Variants in RIPOR3 observed in about 807,000 individuals in gnomAD.
RIPOR3 encodes the protein RIPOR family member 3.
A neutral mutation model predicts 114.3 loss-of-function variants in RIPOR3; 95 were observed. The ratio of observed to expected loss-of-function variants is 0.83; its 90% CI spans 0.70 to 0.99. The LOEUF (loss-of-function observed/expected upper bound fraction) is 0.99. Ranked by LOEUF, RIPOR3 falls within the 50% of genes least tolerant of loss-of-function variation. The pLI, the probability that RIPOR3 is intolerant of heterozygous loss-of-function variation, is 0.00. For synonymous variants in RIPOR3, 575 were observed against 543.8 expected (o/e 1.06, Z -0.80); for missense variants, 1,252 against 1,266.9 (o/e 0.99, Z 0.18).
chr20:50,677,017 A>C (rs547495445), intron 1 of RIPOR3, among the ~76,000 whole-genome samples: 1 of 152,332 alleles, frequency 6.6e-6, no homozygotes, highest in Admixed American at 6.5e-5. Flanking sequence ...CAGATAACTA[A>C]TAATATCAAC....
intron 1 of RIPOR3, among the ~76,000 whole-genome samples, chr20:50,667,156 C>A (rs940828636): frequency 3.3e-5 from 5 of 152,028 alleles, no homozygotes; most frequent in African/African-American, 1.2e-4. Context: ...AACCATCAGC[C>A]GGCAAAGTTA....
At chr20:50,670,133 G>C (rs985799513) in intron 1 of RIPOR3, among the ~76,000 whole-genome samples, 2 of 147,756 alleles carry the variant, frequency 1.4e-5, no homozygotes, top group Non-Finnish European at 3.0e-5. Flanking sequence ...CTCCAGCCTG[G>C]GCAACAAGAG....
Position 50,691,159 on chromosome 20 carries a change from C to T in RIPOR3, c.-31G>A, listed in dbSNP as rs1162814107. 1 of 1,289,448 alleles carries T rather than the reference C, an allele frequency of 7.8e-7. No individual in the cohort carries two copies. The allele number at this position is 1,289,448 out of a possible 1,614,324, so 79.9% of individuals were successfully genotyped here. A position where few individuals can be genotyped will look rare whatever the true frequency, so the allele number is the denominator to read the frequency against. ...AGGTCTGGACACTCGAGTGCAGTCC[C>T]GCCGCCCTCCTTGCAGCTGCCTCAC... On this transcript the variant is annotated 5_prime_UTR_variant, in exon 1 of 22. Coordinates refer to ENST00000327979, the MANE Select transcript of RIPOR3 (RefSeq NM_001290268.2).
At chr20:50,601,947 C>T (rs2083509288) in intron 13 of RIPOR3, 125 bp downstream of exon 13, 11 of 936,226 alleles carry the variant, frequency 1.2e-5, no homozygotes, top group Non-Finnish European at 1.7e-5. Flanking sequence ...GAGACACGGC[C>T]CACCCAGGTC....
intron 17 of RIPOR3, among the ~76,000 whole-genome samples, chr20:50,593,678 A>C (rs1014771209): frequency 6.6e-6 from 1 of 151,932 alleles, no homozygotes; most frequent in African/African-American, 2.4e-5. Context: ...TGTGACTCCA[A>C]CTCACCCTGA....
At chr20:50,654,744 T>C (rs980577128) in intron 1 of RIPOR3, among the ~76,000 whole-genome samples, 1 of 152,088 alleles carries the variant, frequency 6.6e-6, no homozygotes, top group Non-Finnish European at 1.5e-5. Flanking sequence ...TTTTTTTGTT[T>C]TTTTGTCTTT....
chr20:50,617,128 G>A (rs74274277), intron 3 of RIPOR3, among the ~76,000 whole-genome samples: 3,939 of 152,164 alleles, frequency 0.026, 69 homozygotes, highest in East Asian at 0.046. Flanking sequence ...GCAACAGAGC[G>A]AGACTTCATT....
rs774441526 is a variant in RIPOR3, at chr20:50,587,005, G to A, written c.*227C>T. On this transcript the variant is annotated 3_prime_UTR_variant, in exon 22 of 22. Transcript: ENST00000327979. ...AGAAGTTGAGCGCTCTGTTGAGGCC[G>A]TGCAGCCCCTGGAATGCTGTACCTT... 1.1e-5 allele frequency: 6 copies of A among 526,578 alleles called. No homozygotes were observed. The highest frequency in any genetic ancestry group is 3.2e-5 in the East Asian group (1 of 31,728). The allele number at this position is 526,578 out of a possible 1,614,324, so 32.6% of individuals were successfully genotyped here.
intron 20 of RIPOR3, 37 bp from the exon 21 acceptor site, chr20:50,587,929 G>T: frequency 6.2e-7 from 1 of 1,602,346 alleles, no homozygotes; most frequent in Non-Finnish European, 8.5e-7. Flanking sequence ...CCTTTAGGGG[G>T]CCTTCTCAAC....
chr20:50,617,184 A>G (rs80351948), intron 3 of RIPOR3, among the ~76,000 whole-genome samples: 6,513 of 152,210 alleles, frequency 0.043, 222 homozygotes, highest in African/African-American at 0.088. Flanking sequence ...GGGCCAAGGC[A>G]GGGAGTCCCA....
At chr20:50,595,017 G>A (rs2083240354) in intron 16 of RIPOR3, 2 of 493,018 alleles carry the variant, frequency 4.1e-6, no homozygotes, top group Non-Finnish European at 7.3e-6. Context: ...GCACAGCTGG[G>A]ATCACAGCTA....
At chr20:50,648,323 G>A (rs2085488522) in intron 1 of RIPOR3, among the ~76,000 whole-genome samples, 1 of 150,360 alleles carries the variant, frequency 6.7e-6, no homozygotes. Flanking sequence ...GGTTTCCTGG[G>A]GCTGCTGTAA....
chr20:50,642,600 C>T (rs2085244985), intron 1 of RIPOR3, among the ~76,000 whole-genome samples: 2 of 151,670 alleles, frequency 1.3e-5, no homozygotes, highest in Non-Finnish European at 2.9e-5. Context: ...CTCCCCCCTC[C>T]CCCCATGAGG....
chr20:50,642,971 C>T (rs536527332), intron 1 of RIPOR3, among the ~76,000 whole-genome samples: 35 of 152,118 alleles, frequency 2.3e-4, no homozygotes, highest in African/African-American at 7.9e-4. Flanking sequence ...TTGCTTGAAC[C>T]CGGGAGGCAG....
intron 1 of RIPOR3, among the ~76,000 whole-genome samples, chr20:50,668,545 G>T (rs189932391): frequency 1.3e-5 from 2 of 152,182 alleles, no homozygotes; most frequent in African/African-American, 4.8e-5. Context: ...TCCAGACTCA[G>T]AGAATGGAGT....
At chr20:50,622,830 T>C (rs2084468967) in intron 2 of RIPOR3, among the ~76,000 whole-genome samples, 1 of 152,228 alleles carries the variant, frequency 6.6e-6, no homozygotes. Flanking sequence ...TGGGACCACG[T>C]AATACATCAG....
In RIPOR3 at chr20:50,595,394, G is replaced by A. The variant is rs755521251; in HGVS notation, c.2025C>T (p.Val675=). ...TCTCTTCAATGGATGTTGCCTTGCC[G>A]ACCTTCTCAAAGTCAAGGACAGAAA... ...ETLSVLDFEK[V]GKATSIEEII... The change falls in exon 16 of 22, where the codon GTC becomes GTT. Residue 675 remains valine, a synonymous_variant. Coordinates refer to ENST00000327979, the MANE Select transcript of RIPOR3 (RefSeq NM_001290268.2). 3.2e-5 allele frequency: 52 copies of A among 1,613,978 alleles called. No individual in the cohort carries two copies. In the East Asian group the frequency reaches 3.3e-4, roughly 10 times the overall value.
intron 3 of RIPOR3, among the ~76,000 whole-genome samples, chr20:50,618,270 C>CAAAAAAAAAAAAA (rs61215608): frequency 4.5e-5 from 3 of 67,392 alleles, no homozygotes; most frequent in Admixed American, 1.7e-4. Context: ...GACTCCGTCT[C>CAAAAAAAAAAAAA]AAAAAAAAAA....
At chr20:50,636,774 G>A (rs1282960549) in intron 1 of RIPOR3, 23 of 985,348 alleles carry the variant, frequency 2.3e-5, no homozygotes, top group Non-Finnish European at 2.7e-5. Context: ...GTCTACTCCC[G>A]CTAAGTCTGT....
Sources: gnomAD v4.1 joint callset for allele counts (sites outside exome capture counted in the v4.1 genomes callset) on GRCh38, gnomAD v4.1.1 for gene constraint, MANE v1.5 for transcripts, NCBI Gene and HGNC (gene_info 2026-07-23, HGNC 2026-07-21) for gene names.